TP63: variants seen among roughly 807,000 people sequenced by gnomAD.
TP63 encodes tumor protein p63.
Under a neutral mutation model 82.8 loss-of-function variants are expected in TP63, and 17 were observed. The observed-to-expected ratio is 0.21, with a 90% CI of 0.14 to 0.31. TP63 has a LOEUF of 0.31. TP63 is among the 10% of genes least tolerant of loss of function. TP63 has a pLI of 1.00. For synonymous variants in TP63, 330 were observed against 321.7 expected (o/e 1.03, Z -0.28); for missense variants, 648 against 895.3 (o/e 0.72, Z 3.52).
the TP63 span, among the ~76,000 whole-genome samples, chr3:189,610,416 T>A: frequency 6.6e-6 from 1 of 152,186 alleles, no homozygotes; most frequent in Non-Finnish European, 1.5e-5. Context: ...ATCATCTCTC[T>A]CAAGTTCAAA....
At chr3:189,775,220 C>CAAAAAAAAA (rs56288032) in intron 3 of TP63, among the ~76,000 whole-genome samples, 6 of 93,008 alleles carry the variant, frequency 6.5e-5, no homozygotes, top group African/African-American at 1.3e-4. Context: ...AACTCTGTCT[C>CAAAAAAAAA]AAAAAAAAAA....
At chr3:189,787,410 C>T (rs925266768) in intron 3 of TP63, among the ~76,000 whole-genome samples, 1 of 152,092 alleles carries the variant, frequency 6.6e-6, no homozygotes, top group Non-Finnish European at 1.5e-5. Flanking sequence ...CCCAAGGGCA[C>T]GGAGCTCCTG....
At chr3:189,838,178 C>A (rs1271991350) in intron 4 of TP63, among the ~76,000 whole-genome samples, 1 of 152,102 alleles carries the variant, frequency 6.6e-6, no homozygotes, top group African/African-American at 2.4e-5. Context: ...CTTCTTACCT[C>A]CCTTCCTCTC....
chr3:189,791,640 A>T (rs977013476), intron 3 of TP63, among the ~76,000 whole-genome samples: 1 of 152,108 alleles, frequency 6.6e-6, no homozygotes, highest in African/African-American at 2.4e-5. Flanking sequence ...GCACTTCCCT[A>T]CCTTTCTATG....
At chr3:189,637,192 T>C (rs562863746) in intron 1 of TP63, among the ~76,000 whole-genome samples, 5 of 152,198 alleles carry the variant, frequency 3.3e-5, no homozygotes, top group East Asian at 1.9e-4. Flanking sequence ...GGAACATCCA[T>C]GTAGACCTGG....
At chr3:189,733,268 C>G (rs1008517742) in intron 1 of TP63, among the ~76,000 whole-genome samples, 1 of 152,172 alleles carries the variant, frequency 6.6e-6, no homozygotes, top group Non-Finnish European at 1.5e-5. Flanking sequence ...CTGTTTTTCT[C>G]TCTTCTGCCT....
In TP63 at chr3:189,867,769, A is replaced by G. The variant is rs114425727; in HGVS notation, c.883-64A>G. The G allele has an allele frequency of 6.7e-4, 951 of 1,421,604 alleles. 8 individuals carry two copies. In the African/African-American group the frequency reaches 0.012, roughly 18 times the overall value. 88.1% of individuals were successfully genotyped at this position (1,421,604 alleles called of 1,614,324 possible). A position where few individuals can be genotyped will look rare whatever the true frequency, so the allele number is the denominator to read the frequency against. On this transcript the variant is annotated intron_variant, in intron 6 of 13. Transcript: ENST00000264731. ...TGGAATTCCTTAAATAGAGGGAAGA[A>G]CTGAGAAGGAACAACGTCAGTTTAA...
the TP63 span, among the ~76,000 whole-genome samples, chr3:189,623,969 TAGA>T: frequency 2.0e-5 from 3 of 152,206 alleles, no homozygotes; most frequent in African/African-American, 7.2e-5. Context: ...ACTGGCTGTT[TAGA>T]AGTTCACAGA....
intron 3 of TP63, among the ~76,000 whole-genome samples, chr3:189,759,526 A>G (rs1722414555): frequency 6.6e-6 from 1 of 152,204 alleles, no homozygotes; most frequent in Non-Finnish European, 1.5e-5. Context: ...TTGATTTTAT[A>G]CATTTTAGGG....
chr3:189,716,092 G>T (rs1391025815), intron 1 of TP63, among the ~76,000 whole-genome samples: 1 of 152,130 alleles, frequency 6.6e-6, no homozygotes, highest in Non-Finnish European at 1.5e-5. Context: ...GGAAACTGAG[G>T]CTTAGAAAGT....
chr3:189,604,383 T>G, the TP63 span, among the ~76,000 whole-genome samples: 2 of 152,300 alleles, frequency 1.3e-5, no homozygotes, highest in Admixed American at 1.3e-4. Flanking sequence ...AAATATGACC[T>G]TACTCTTCTT....
chr3:189,689,944 AC>A (rs1716784232), intron 1 of TP63, among the ~76,000 whole-genome samples: 1 of 152,136 alleles, frequency 6.6e-6, no homozygotes, highest in South Asian at 2.1e-4. Flanking sequence ...TTGTGTCTTA[AC>A]AGGGAAAGTC....
At chr3:189,702,467 T>A (rs1349184415) in intron 1 of TP63, among the ~76,000 whole-genome samples, 2 of 152,210 alleles carry the variant, frequency 1.3e-5, no homozygotes, top group Non-Finnish European at 2.9e-5. Flanking sequence ...AAATCACCTC[T>A]TCCCTACAGC....
chr3:189,720,106 C>T (rs912958184), intron 1 of TP63, among the ~76,000 whole-genome samples: 3 of 152,094 alleles, frequency 2.0e-5, no homozygotes, highest in South Asian at 2.1e-4. Flanking sequence ...GCAAGCTCGG[C>T]CCACAAGGTT....
chr3:189,706,529 C>T (rs1037796579), intron 1 of TP63, among the ~76,000 whole-genome samples: 1 of 152,190 alleles, frequency 6.6e-6, no homozygotes, highest in African/African-American at 2.4e-5. Context: ...GCTGGGATTA[C>T]AGGTGTGAGC....
chr3:189,630,751 G>A (rs1040300901), upstream of TP63, among the ~76,000 whole-genome samples: 8 of 151,922 alleles, frequency 5.3e-5, no homozygotes, highest in Non-Finnish European at 2.9e-5. Context: ...TCTTTTATTC[G>A]GGTCAGGCAA....
intron 3 of TP63, among the ~76,000 whole-genome samples, chr3:189,780,722 G>A (rs1038684876): frequency 2.6e-5 from 4 of 152,156 alleles, no homozygotes; most frequent in African/African-American, 7.2e-5. Flanking sequence ...GATGACACCA[G>A]CCTGGTGACA....
chr3:189,830,509 C>T (rs1712158704), intron 4 of TP63, among the ~76,000 whole-genome samples: 1 of 152,204 alleles, frequency 6.6e-6, no homozygotes, highest in Non-Finnish European at 1.5e-5. Flanking sequence ...CTTTTCCTTT[C>T]ATCATAGTGA....
intron 1 of TP63, among the ~76,000 whole-genome samples, chr3:189,641,746 A>G (rs1393397111): frequency 2.0e-5 from 3 of 152,110 alleles, no homozygotes; most frequent in Admixed American, 2.0e-4. Flanking sequence ...TTTCTTTTGA[A>G]TTATTTCCTT....
Sources: allele counts gnomAD v4.1 joint callset (sites outside exome capture counted in the v4.1 genomes callset), GRCh38; gene constraint gnomAD v4.1.1; transcripts MANE v1.5; gene names NCBI Gene and HGNC (gene_info 2026-07-23, HGNC 2026-07-21).